The following ST6GALNAC5 variants were observed in gnomAD, a reference collection of about 807,000 sequenced individuals.
ST6GALNAC5 encodes ST6 N-acetylgalactosaminide alpha-2,6-sialyltransferase 5, also known as alpha-N-acetylgalactosaminide alpha-2,6-sialyltransferase 5.
Under a neutral mutation model 33.6 loss-of-function variants are expected in ST6GALNAC5, and 27 were observed. That is an observed-to-expected ratio of 0.80 (90% CI 0.59 to 1.11). The LOEUF (loss-of-function observed/expected upper bound fraction) is 1.11. ST6GALNAC5 is among the 50% of genes least tolerant of loss of function. ST6GALNAC5 has a pLI of 0.00. For missense variants in ST6GALNAC5, 428 were observed against 454.0 expected, an observed-to-expected ratio of 0.94 and a Z score of 0.52; for synonymous variants, 194 against 171.2, an observed-to-expected ratio of 1.13 and a Z score of -1.04.
At position 76,939,945 on chromosome 1, in the gene ST6GALNAC5, C is replaced by T. The variant is rs1374250370; in HGVS notation, c.261+71203C>T. The stretch of plus-strand genomic sequence containing the variant: ...ACCTCAATTTCCTTATCTTTAAAAC[C>T]GGAATAATCATAGTACTTTCCTCAT... On this transcript the variant is annotated intron_variant, in intron 2 of 4. Transcript: ENST00000477717. Among the ~76,000 whole-genome samples, 7 of 151,938 alleles carry T rather than the reference C, an allele frequency of 4.6e-5. No homozygotes were observed. In the East Asian group the frequency reaches 5.8e-4, roughly 13 times the overall value.
chr1:76,897,668 A>G (rs919171656), intron 2 of ST6GALNAC5, among the ~76,000 whole-genome samples: 7 of 152,176 alleles, frequency 4.6e-5, no homozygotes, highest in African/African-American at 1.7e-4. Context: ...GATTGGGAAG[A>G]AGGGCGGCAG....
chr1:76,968,474 C>A (rs1648594374), intron 2 of ST6GALNAC5, among the ~76,000 whole-genome samples: 1 of 152,154 alleles, frequency 6.6e-6, no homozygotes, highest in African/African-American at 2.4e-5. Context: ...CTATGTGTGT[C>A]TCTGCACATG....
chr1:77,004,345 G>C (rs1233961164), intron 2 of ST6GALNAC5, among the ~76,000 whole-genome samples: 1 of 148,190 alleles, frequency 6.7e-6, no homozygotes, highest in Admixed American at 6.7e-5. Flanking sequence ...AGCTCCATCA[G>C]CTCCTTTAAG....
rs1169707545 is a variant in ST6GALNAC5 at position 76,913,937 on chromosome 1, GA to G, written c.261+45199del. On this transcript the variant is annotated intron_variant, in intron 2 of 4. Coordinates refer to ENST00000477717, the MANE Select transcript of ST6GALNAC5 (RefSeq NM_030965.3). ...TGCAGACGACATGATTGTATATTTA[GA>G]AAACCCCATTGTCTCAGCCCAAAAT... Among the ~76,000 whole-genome samples, 11 of 152,222 alleles carry G rather than the reference GA, an allele frequency of 7.2e-5. No individual in the cohort carries two copies. In the East Asian group the frequency reaches 7.7e-4, roughly 11 times the overall value.
intron 2 of ST6GALNAC5, among the ~76,000 whole-genome samples, chr1:77,014,649 A>G (rs182400127): frequency 2.6e-5 from 4 of 152,324 alleles, no homozygotes; most frequent in Admixed American, 6.5e-5. Context: ...CAGATCATGA[A>G]GAAAGCAGAG....
chr1:76,888,879 C>A (rs1653954706), intron 2 of ST6GALNAC5, among the ~76,000 whole-genome samples: 1 of 152,096 alleles, frequency 6.6e-6, no homozygotes, highest in South Asian at 2.1e-4. Flanking sequence ...GGTTAATTAA[C>A]ATATGTATTG....
chr1:76,875,396 C>T (rs1653614818), intron 2 of ST6GALNAC5, among the ~76,000 whole-genome samples: 1 of 152,144 alleles, frequency 6.6e-6, no homozygotes, highest in Non-Finnish European at 1.5e-5. Flanking sequence ...TCTCCCGTAT[C>T]CCATGCATAC....
Position 77,066,634 on chromosome 1 carries a change from A to C in ST6GALNAC5, c.*3428A>C, listed in dbSNP as rs1260427934. Among the ~76,000 whole-genome samples, 1 of 152,234 alleles carries C rather than the reference A, an allele frequency of 6.6e-6. No homozygotes were observed. The highest frequency in any genetic ancestry group is 1.5e-5 in the Non-Finnish European group (1 of 68,038). ...TCAGAAATATATCCTGAATTCCACCAGGGTGATGGTTCAAATTGTTAAATA... is the reference window on the plus strand; with the variant it reads ...TCAGAAATATATCCTGAATTCCACCCGGGTGATGGTTCAAATTGTTAAATA... On this transcript the variant is annotated 3_prime_UTR_variant, in exon 5 of 5. Transcript: ENST00000477717.
intron 2 of ST6GALNAC5, among the ~76,000 whole-genome samples, chr1:76,876,764 TA>T (rs1653649557): frequency 6.6e-6 from 1 of 152,208 alleles, no homozygotes; most frequent in Non-Finnish European, 1.5e-5. Flanking sequence ...GAAAGGGCCA[TA>T]GTGCTGCAGC....
At chr1:76,955,776 A>G (rs2100343139) in intron 2 of ST6GALNAC5, among the ~76,000 whole-genome samples, 1 of 152,240 alleles carries the variant, frequency 6.6e-6, no homozygotes, top group African/African-American at 2.4e-5. Flanking sequence ...AGTCTTTTTC[A>G]TTTTAAGTTT....
intron 2 of ST6GALNAC5, among the ~76,000 whole-genome samples, chr1:76,952,544 T>C (rs1200103488): frequency 6.6e-6 from 1 of 152,048 alleles, no homozygotes; most frequent in African/African-American, 2.4e-5. Context: ...AGAATGAAGA[T>C]ATTGAATGGT....
Position 77,048,837 on chromosome 1 carries a change from A to G in ST6GALNAC5, c.672-1421A>G, listed in dbSNP as rs1018662160. On this transcript the variant is annotated intron_variant, in intron 3 of 4. Transcript: ENST00000477717. ...TTAGCTCTCAAGTAGCCCAGGGGAC[A>G]GAGATTCCTATGCCTCCTTTATAGA... Among the ~76,000 whole-genome samples, 5 of 152,344 alleles carry G rather than the reference A, an allele frequency of 3.3e-5. No homozygotes were observed. The East Asian group carries it at 7.7e-4, about 23-fold the overall frequency.
At chr1:76,917,690 T>A (rs757538877) in intron 2 of ST6GALNAC5, among the ~76,000 whole-genome samples, 1 of 151,902 alleles carries the variant, frequency 6.6e-6, no homozygotes, top group Non-Finnish European at 1.5e-5. Context: ...GTATTTATTA[T>A]AAATAATTGG....
chr1:77,044,560 C>T lies in ST6GALNAC5; in HGVS notation c.618C>T (p.Arg206=), dbSNP rs1304354324. ...LPRLKAFMIT[R]HKMLQFDELF... ...GGCTGAAGGCCTTCATGATTACTCGCCACAAGATGCTGCAGTTTGATGAGC... is the reference window on the plus strand; with the variant it reads ...GGCTGAAGGCCTTCATGATTACTCGTCACAAGATGCTGCAGTTTGATGAGC... Residue 206 remains arginine, a synonymous_variant, in exon 3 of 5, where the codon CGC becomes CGT. Transcript: ENST00000477717. 6.3e-7 allele frequency: 1 copy of T among 1,592,672 alleles called. No homozygotes were observed. The highest frequency in any genetic ancestry group is 1.3e-5 in the African/African-American group (1 of 74,410).
chr1:76,960,329 G>T (rs948379408), intron 2 of ST6GALNAC5, among the ~76,000 whole-genome samples: 8 of 152,074 alleles, frequency 5.3e-5, no homozygotes, highest in Non-Finnish European at 1.0e-4. Context: ...TTTCAAAAGG[G>T]GAGGGAGTGT....
chr1:76,868,835 A>T lies in ST6GALNAC5; in HGVS notation c.261+93A>T. On this transcript the variant is annotated intron_variant, in intron 2 of 4. Transcript: ENST00000477717. This position sits in a 1 kb window ranked among gnomAD's most constrained non-coding sequence, Gnocchi z 4.3. ...TTTCCCGGGGCTGGGAGGCGCTGTG[A>T]GTAGGTGCCGTTCGAAGGCTGGAGG... 2 of 1,425,400 alleles carry T rather than the reference A, an allele frequency of 1.4e-6. No individual in the cohort carries two copies. The highest frequency in any genetic ancestry group is 1.8e-6 in the Non-Finnish European group (2 of 1,095,706). 88.3% of individuals were successfully genotyped at this position (1,425,400 alleles called of 1,614,324 possible).
intron 2 of ST6GALNAC5, among the ~76,000 whole-genome samples, chr1:77,033,811 GT>G (rs1651551088): frequency 6.6e-6 from 1 of 152,122 alleles, no homozygotes; most frequent in South Asian, 2.1e-4. Context: ...AGAGAGTAGG[GT>G]GGGGAGTGAA....
chr1:76,904,239 C>T (rs752516225), intron 2 of ST6GALNAC5, among the ~76,000 whole-genome samples: 1 of 151,860 alleles, frequency 6.6e-6, no homozygotes, highest in Non-Finnish European at 1.5e-5. Flanking sequence ...TCTGCGAGGT[C>T]GGTAAGGGAT....
chr1:77,036,530 T>C (rs1651652662), intron 2 of ST6GALNAC5, among the ~76,000 whole-genome samples: 1 of 152,184 alleles, frequency 6.6e-6, no homozygotes, highest in Non-Finnish European at 1.5e-5. Flanking sequence ...GTGCTGAAGG[T>C]GGTTATGACA....
Sources: allele counts gnomAD v4.1 joint callset (sites outside exome capture counted in the v4.1 genomes callset), GRCh38; gene constraint gnomAD v4.1.1; non-coding constraint Gnocchi (gnomAD v3.1); transcripts MANE v1.5; gene names NCBI Gene and HGNC (gene_info 2026-07-23, HGNC 2026-07-21).